The following GAS7 variants were observed in gnomAD, a reference collection of about 807,000 sequenced individuals.
The protein encoded by GAS7 is growth arrest-specific protein 7.
A neutral mutation model predicts 71.1 loss-of-function variants in GAS7; 28 were observed. The observed-to-expected ratio is 0.39, with a 90% confidence interval of 0.29 to 0.54. The LOEUF is 0.54. GAS7 is among the 20% of genes least tolerant of loss of function. The probability of loss-of-function intolerance (pLI) is 0.62; values close to 1 mark genes in which losing one functional copy is unlikely to be tolerated. For missense variants in GAS7, 436 were observed against 627.8 expected, an observed-to-expected ratio of 0.69 and a Z score of 3.27; for synonymous variants, 258 against 245.8, an observed-to-expected ratio of 1.05 and a Z score of -0.46.
chr17:9,969,721 C>G lies in GAS7; in HGVS notation c.427G>C (p.Glu143Gln). 1 of 1,613,262 alleles carries G rather than the reference C, an allele frequency of 6.2e-7. No individual in the cohort carries two copies. Among genetic ancestry groups the G allele is most frequent in the South Asian group, 1.1e-5 (1 of 91,064 alleles). ...TTTCGGACACTCATGTGGGCAGTCTCTGGAGGGTGCGCTGGGGTCCCTGAT... is the reference window on the plus strand; with the variant it reads ...TTTCGGACACTCATGTGGGCAGTCTGTGGAGGGTGCGCTGGGGTCCCTGAT... Reference protein sequence around the residue: ...HASGTPAHPPETAHMSVRKST... With the variant: ...HASGTPAHPPQTAHMSVRKST... Residue 143 changes from glutamate to glutamine, a missense_variant, in exon 4 of 14, where the codon GAG (glutamate) becomes CAG (glutamine). By Grantham distance (29) the Glu-to-Gln change is conservative. Transcript: ENST00000432992. This position sits in a 1 kb window ranked among gnomAD's most constrained non-coding sequence, Gnocchi z 5.5.
At position 9,915,184 on chromosome 17, in the gene GAS7, C is replaced by T. The variant is rs1047286518; in HGVS notation, c.*2044G>A. 8.6e-6 allele frequency: 2 copies of T among 231,512 alleles called. No homozygotes were observed. Among genetic ancestry groups the T allele is most frequent in the Non-Finnish European group, 8.6e-6 (1 of 116,900 alleles). 14.3% of individuals were successfully genotyped at this position (231,512 alleles called of 1,614,324 possible). A position where few individuals can be genotyped will look rare whatever the true frequency, so the allele number is the denominator to read the frequency against. ...ACCCTGGAAGACGCAAGAGGGCTCACTCTATCCCAGGGATGAACAGAGGAC... is the reference window on the plus strand; with the variant it reads ...ACCCTGGAAGACGCAAGAGGGCTCATTCTATCCCAGGGATGAACAGAGGAC... On this transcript the variant is annotated 3_prime_UTR_variant, in exon 14 of 14. Coordinates refer to ENST00000432992, the MANE Select transcript of GAS7 (RefSeq NM_201433.2).
intron 2 of GAS7, among the ~76,000 whole-genome samples, chr17:9,996,280 A>G (rs1254982940): frequency 6.6e-6 from 1 of 152,180 alleles, no homozygotes; most frequent in Non-Finnish European, 1.5e-5. Flanking sequence ...AGGGACATGG[A>G]TGAAGCTGGA....
chr17:10,099,067 CTAGTAGCAG>C (rs2073672389), intron 1 of GAS7, among the ~76,000 whole-genome samples: 1 of 152,214 alleles, frequency 6.6e-6, no homozygotes, highest in Non-Finnish European at 1.5e-5. Context: ...TCTCCATTAG[CTAGTAGCAG>C]GACTTTCTCT....
chr17:10,078,109 G>A (rs973556904), intron 1 of GAS7, among the ~76,000 whole-genome samples: 2 of 149,958 alleles, frequency 1.3e-5, no homozygotes, highest in African/African-American at 4.9e-5. Flanking sequence ...GTTTTGTTTT[G>A]GAGACAGGAT....
chr17:10,128,337 T>G (rs2142084143), intron 1 of GAS7, among the ~76,000 whole-genome samples: 1 of 152,316 alleles, frequency 6.6e-6, no homozygotes, highest in African/African-American at 2.4e-5. Context: ...TGGTTGTCCC[T>G]GTGCTGACCT....
chr17:10,190,821 G>A (rs2074492481), intron 1 of GAS7, among the ~76,000 whole-genome samples: 1 of 150,986 alleles, frequency 6.6e-6, no homozygotes, highest in Admixed American at 6.6e-5. Flanking sequence ...CGCTACTATA[G>A]CTGATGAGCT....
At chr17:9,964,316 C>T (rs923288992) in intron 4 of GAS7, among the ~76,000 whole-genome samples, 6 of 152,164 alleles carry the variant, frequency 3.9e-5, no homozygotes, top group African/African-American at 4.8e-5. Context: ...TTTCCTCCCC[C>T]CCTGCAAATA....
rs569059372 is a variant in GAS7, at chr17:9,970,961, G to T, written c.386-1199C>A. ...TACATAAGCTTAGACGAGCAGCTTC[G>T]CCTCAGTGACCCTCAGCTTCTGTAC... On this transcript the variant is annotated intron_variant, in intron 3 of 13. Transcript: ENST00000432992. 1.7e-4 allele frequency among the ~76,000 whole-genome samples: 26 copies of T among 152,278 alleles called. 1 individual carries two copies. In the South Asian group the frequency reaches 5.4e-3, roughly 32 times the overall value.
intron 2 of GAS7, among the ~76,000 whole-genome samples, chr17:10,002,942 G>A (rs369642298): frequency 6.6e-6 from 1 of 152,076 alleles, no homozygotes; most frequent in Non-Finnish European, 1.5e-5. Flanking sequence ...AGGATGGCTG[G>A]GTCAAATGGT....
intron 3 of GAS7, among the ~76,000 whole-genome samples, chr17:9,979,240 A>G (rs2070321223): frequency 6.6e-6 from 1 of 152,130 alleles, no homozygotes; most frequent in Non-Finnish European, 1.5e-5. Flanking sequence ...GCACGGATAC[A>G]TCTGGGATCC....
At chr17:10,104,770 A>G (rs562467814) in intron 1 of GAS7, among the ~76,000 whole-genome samples, 1 of 152,204 alleles carries the variant, frequency 6.6e-6, no homozygotes, top group Admixed American at 6.5e-5. Context: ...TATCTCTAAA[A>G]CATCCTGATC....
At chr17:10,147,298 C>G (rs2074129160) in intron 1 of GAS7, among the ~76,000 whole-genome samples, 1 of 152,146 alleles carries the variant, frequency 6.6e-6, no homozygotes, top group African/African-American at 2.4e-5. Flanking sequence ...TTCATACTTC[C>G]AGGCAAAGCC....
At chr17:9,960,190 T>C (rs2069424933) in intron 4 of GAS7, among the ~76,000 whole-genome samples, 2 of 150,986 alleles carry the variant, frequency 1.3e-5, no homozygotes, top group East Asian at 1.9e-4. Flanking sequence ...CATGACCTTA[T>C]TCTTTTTTTT....
At chr17:9,996,657 G>C (rs1306093241) in intron 2 of GAS7, among the ~76,000 whole-genome samples, 3 of 144,298 alleles carry the variant, frequency 2.1e-5, no homozygotes, top group Non-Finnish European at 4.5e-5. Flanking sequence ...TTTATTTTTT[G>C]AGACAGAGGC....
chr17:10,012,139 A>G (rs2071799119), intron 2 of GAS7, among the ~76,000 whole-genome samples: 4 of 152,220 alleles, frequency 2.6e-5, no homozygotes, highest in Admixed American at 2.0e-4. Context: ...CCATCTATCT[A>G]TACTGGCTTC....
At chr17:9,994,313 G>C (rs1164158781) in intron 2 of GAS7, among the ~76,000 whole-genome samples, 1 of 149,216 alleles carries the variant, frequency 6.7e-6, no homozygotes, top group South Asian at 2.1e-4. Context: ...AAACAGCATG[G>C]TACTGGTACC....
chr17:10,012,108 A>C (rs2071797757), intron 2 of GAS7, among the ~76,000 whole-genome samples: 1 of 152,324 alleles, frequency 6.6e-6, no homozygotes, highest in East Asian at 1.9e-4. Flanking sequence ...TGACTAATAC[A>C]TTAAACTAAA....
intron 1 of GAS7, among the ~76,000 whole-genome samples, chr17:10,196,696 C>T (rs2074543035): frequency 6.6e-6 from 1 of 152,196 alleles, no homozygotes. Context: ...GGACAGACAT[C>T]CATCAGCCAA....
At chr17:9,975,795 A>G (rs750425906) in intron 3 of GAS7, among the ~76,000 whole-genome samples, 8 of 152,228 alleles carry the variant, frequency 5.3e-5, no homozygotes, top group Non-Finnish European at 1.2e-4. Context: ...AAACAAGGCA[A>G]CAGCATGCAG....
Sources: allele counts gnomAD v4.1 joint callset (sites outside exome capture counted in the v4.1 genomes callset), GRCh38; gene constraint gnomAD v4.1.1; non-coding constraint Gnocchi (gnomAD v3.1); transcripts MANE v1.5; gene names NCBI Gene and HGNC (gene_info 2026-07-23, HGNC 2026-07-21).